The following GPC5 variants were observed in gnomAD, a reference collection of about 807,000 sequenced individuals.
GPC5 encodes glypican 5.
A neutral mutation model predicts 53.9 loss-of-function variants in GPC5; 47 were observed. That is an observed-to-expected ratio of 0.87 (90% CI 0.69 to 1.11). The LOEUF (loss-of-function observed/expected upper bound fraction) is 1.11. Among genes scored for constraint, GPC5 ranks in the 50% most tolerant of loss-of-function variants. The pLI, the probability that GPC5 is intolerant of heterozygous loss-of-function variation, is 0.00. For synonymous variants in GPC5, 286 were observed against 263.3 expected, an observed-to-expected ratio of 1.09 and a Z score of -0.84; for missense variants, 748 against 713.1, an observed-to-expected ratio of 1.05 and a Z score of -0.56.
intron 6 of GPC5, among the ~76,000 whole-genome samples, chr13:91,983,541 A>G (rs185170287): frequency 6.6e-6 from 1 of 152,116 alleles, no homozygotes; most frequent in Non-Finnish European, 1.5e-5. Flanking sequence ...AGGAACTAAA[A>G]CTCCAGGACA....
At chr13:91,470,042 A>G (rs1228478765) in intron 2 of GPC5, among the ~76,000 whole-genome samples, 1 of 152,136 alleles carries the variant, frequency 6.6e-6, no homozygotes, top group Non-Finnish European at 1.5e-5. Context: ...CTGTCTCAAA[A>G]CAACAATAAC....
At chr13:92,738,524 T>C (rs1186288556) in intron 7 of GPC5, among the ~76,000 whole-genome samples, 1 of 152,098 alleles carries the variant, frequency 6.6e-6, no homozygotes, top group Non-Finnish European at 1.5e-5. Context: ...AATGATAATG[T>C]TATAGTTAAT....
intron 7 of GPC5, among the ~76,000 whole-genome samples, chr13:92,559,755 C>T (rs1286075853): frequency 6.6e-6 from 1 of 151,622 alleles, no homozygotes; most frequent in East Asian, 2.0e-4. Flanking sequence ...TTTCTGTCTT[C>T]TGATGACCGT....
intron 7 of GPC5, among the ~76,000 whole-genome samples, chr13:92,234,351 CT>C (rs556508185): frequency 7.0e-4 from 107 of 152,268 alleles, no homozygotes; most frequent in Admixed American, 3.9e-3. Flanking sequence ...GATTGCCATT[CT>C]AACTGGTGTG....
intron 7 of GPC5, among the ~76,000 whole-genome samples, chr13:92,236,041 T>G (rs2042567234): frequency 1.3e-5 from 2 of 152,130 alleles, no homozygotes; most frequent in Non-Finnish European, 2.9e-5. Flanking sequence ...AAGAGAAGTC[T>G]GATCCTTGTA....
intron 5 of GPC5, among the ~76,000 whole-genome samples, chr13:91,790,558 G>C (rs554734332): frequency 3.3e-5 from 5 of 152,138 alleles, no homozygotes; most frequent in Admixed American, 6.5e-5. Flanking sequence ...GCTTATGTTA[G>C]GGGTATAATG....
chr13:92,453,395 A>G (rs1042300668), intron 7 of GPC5, among the ~76,000 whole-genome samples: 3 of 152,180 alleles, frequency 2.0e-5, no homozygotes, highest in Admixed American at 6.5e-5. Flanking sequence ...ATGAACATTA[A>G]CATGGAAAAT....
chr13:92,504,969 A>C (rs1253814001), intron 7 of GPC5, among the ~76,000 whole-genome samples: 2 of 148,954 alleles, frequency 1.3e-5, no homozygotes, highest in African/African-American at 5.1e-5. Context: ...TCATATCTAT[A>C]TATATTTATA....
intron 7 of GPC5, among the ~76,000 whole-genome samples, chr13:92,793,256 GA>G (rs1876533104): frequency 6.6e-6 from 1 of 152,200 alleles, no homozygotes; most frequent in African/African-American, 2.4e-5. Flanking sequence ...CAACTGCATG[GA>G]AACTGAACCA....
chr13:91,613,257 G>A (rs2033607377), intron 2 of GPC5, among the ~76,000 whole-genome samples: 1 of 152,180 alleles, frequency 6.6e-6, no homozygotes, highest in African/African-American at 2.4e-5. Flanking sequence ...TGTGGCTGGG[G>A]AGGTCTCACA....
chr13:91,647,648 C>T (rs533627316), intron 2 of GPC5, among the ~76,000 whole-genome samples: 1 of 152,292 alleles, frequency 6.6e-6, no homozygotes, highest in African/African-American at 2.4e-5. Flanking sequence ...CCAGGCTGCC[C>T]TTACAGTTTT....
chr13:92,800,033 C>A lies in GPC5; in HGVS notation c.1562-66249C>A, dbSNP rs114725958. Among the ~76,000 whole-genome samples, 358 of 151,880 alleles carry A rather than the reference C, an allele frequency of 2.4e-3. 2 individuals are homozygous for A. Among genetic ancestry groups the A allele is most frequent in the African/African-American group, 8.0e-3 (332 of 41,478 alleles). On this transcript the variant is annotated intron_variant, in intron 7 of 7. Coordinates refer to ENST00000377067, the MANE Select transcript of GPC5 (RefSeq NM_004466.6). ...TAGTAATAGCCCTAGATATTCATAT[C>A]ATGACTAGATAACCACTTTTTATTT... is the stretch of plus-strand genomic sequence containing the variant.
intron 7 of GPC5, among the ~76,000 whole-genome samples, chr13:92,647,473 A>G (rs1036459420): frequency 2.6e-5 from 4 of 152,172 alleles, no homozygotes; most frequent in African/African-American, 9.6e-5. Context: ...GAATAAATAC[A>G]GCACCCTCAG....
At chr13:92,274,676 A>G (rs61966606) in intron 7 of GPC5, among the ~76,000 whole-genome samples, 6,917 of 152,216 alleles carry the variant, frequency 0.045, 176 homozygotes, top group East Asian at 0.065. Flanking sequence ...GGATCCATGT[A>G]TAAGCTCACA....
chr13:91,994,859 G>A (rs998116719), intron 6 of GPC5: 1 of 22,926 alleles, frequency 4.4e-5, no homozygotes, highest in Non-Finnish European at 7.9e-5. Flanking sequence ...AGGCTACTAT[G>A]TTCTGAAATT....
intron 7 of GPC5, among the ~76,000 whole-genome samples, chr13:92,438,420 G>C (rs1877411466): frequency 6.7e-6 from 1 of 149,714 alleles, no homozygotes; most frequent in Non-Finnish European, 1.5e-5. Context: ...TACGAGACAT[G>C]CCTTGAAAGA....
At chr13:92,694,669 G>A (rs1285007151) in intron 7 of GPC5, among the ~76,000 whole-genome samples, 1 of 152,182 alleles carries the variant, frequency 6.6e-6, no homozygotes, top group Admixed American at 6.5e-5. Flanking sequence ...GATTTTAAAG[G>A]CTCATAGATG....
chr13:92,707,318 T>A (rs1887986706), intron 7 of GPC5, among the ~76,000 whole-genome samples: 1 of 152,172 alleles, frequency 6.6e-6, no homozygotes, highest in Non-Finnish European at 1.5e-5. Flanking sequence ...TAGAAGTGGA[T>A]AATGAAAGCT....
At chr13:91,549,265 A>AT (rs1166266521) in intron 2 of GPC5, among the ~76,000 whole-genome samples, 1 of 38,328 alleles carries the variant, frequency 2.6e-5, no homozygotes, top group East Asian at 5.4e-3. Context: ...GCAAGATTCC[A>AT]TTAAAAAAAA....
Sources: gnomAD v4.1 joint callset for allele counts (sites outside exome capture counted in the v4.1 genomes callset) on GRCh38, gnomAD v4.1.1 for gene constraint, MANE v1.5 for transcripts, NCBI Gene and HGNC (gene_info 2026-07-23, HGNC 2026-07-21) for gene names.